Variants in MAML2 observed in about 807,000 individuals in gnomAD.
MAML2 encodes the protein mastermind like transcriptional coactivator 2.
In MAML2, 22 loss-of-function variants were observed where a neutral mutation model predicts 96.1. That is an observed-to-expected ratio of 0.23 (90% CI 0.16 to 0.33). MAML2 has a LOEUF of 0.33. MAML2 is among the 10% of genes least tolerant of loss of function. The pLI is 1.00. For missense variants in MAML2, 1,367 were observed against 1,392.4 expected, an observed-to-expected ratio of 0.98 and a Z score of 0.29; for synonymous variants, 561 against 521.3, an observed-to-expected ratio of 1.08 and a Z score of -1.04.
In MAML2 at chr11:95,991,644, C is replaced by G. The variant is rs371373178; in HGVS notation, c.2219G>C (p.Gly740Ala). ...CAGTGATTGCTGGGAGTTCATGTAA[C>G]CACTTCCAGTGTTTGGATTTGAGCA... The part of the protein sequence containing the change: ...NPCSNPNTGS[G>A]YMNSQQSLLN... The change falls in exon 3 of 5, where the codon GGT (glycine) becomes GCT (alanine). Residue 740 changes from glycine to alanine, a missense_variant. By Grantham distance (60) the Gly-to-Ala change is moderately conservative. Coordinates refer to ENST00000524717, the MANE Select transcript of MAML2 (RefSeq NM_032427.4). The G allele has an allele frequency of 2.6e-5, 42 of 1,613,602 alleles. No individual in the cohort carries two copies. The highest frequency in any genetic ancestry group is 1.6e-4 in the Middle Eastern group (1 of 6,080).
At chr11:96,149,986 T>C (rs1764206771) in intron 1 of MAML2, among the ~76,000 whole-genome samples, 1 of 152,234 alleles carries the variant, frequency 6.6e-6, no homozygotes, top group African/African-American at 2.4e-5. Context: ...TGGCCAGTAC[T>C]AAATTGTCTT....
intron 1 of MAML2, among the ~76,000 whole-genome samples, chr11:96,160,691 G>T (rs1336726869): frequency 1.3e-5 from 2 of 152,156 alleles, no homozygotes; most frequent in Admixed American, 1.3e-4. Flanking sequence ...GCTTCCCAAA[G>T]TGCTGGAATT....
chr11:96,151,071 A>G (rs974948135), intron 1 of MAML2, among the ~76,000 whole-genome samples: 2 of 152,228 alleles, frequency 1.3e-5, no homozygotes, highest in African/African-American at 4.8e-5. Context: ...ATCATTGCTG[A>G]AACACAAAAC....
chr11:96,116,448 C>G (rs182105071), intron 1 of MAML2, among the ~76,000 whole-genome samples: 1 of 152,146 alleles, frequency 6.6e-6, no homozygotes, highest in Non-Finnish European at 1.5e-5. Flanking sequence ...TGCAGTGGGA[C>G]GCAAACAGAG....
intron 1 of MAML2, among the ~76,000 whole-genome samples, chr11:96,094,350 C>T (rs1404163027): frequency 6.6e-6 from 1 of 152,198 alleles, no homozygotes; most frequent in African/African-American, 2.4e-5. Context: ...CAGCAACTTA[C>T]CTGAGCCTCA....
intron 1 of MAML2, among the ~76,000 whole-genome samples, chr11:96,190,906 C>A (rs1591064371): frequency 6.6e-6 from 1 of 152,116 alleles, no homozygotes; most frequent in East Asian, 1.9e-4. Context: ...ACTAGTCAAT[C>A]AATGTAGCTG....
At chr11:96,162,711 CAAAAAAAG>C (rs1193016770) in intron 1 of MAML2, among the ~76,000 whole-genome samples, 1 of 83,506 alleles carries the variant, frequency 1.2e-5, no homozygotes, top group African/African-American at 4.9e-5. Context: ...AACTCCGTCT[CAAAAAAAG>C]AAAAAAAAAA....
chr11:96,062,642 A>C (rs923490172), intron 2 of MAML2, among the ~76,000 whole-genome samples: 1 of 152,110 alleles, frequency 6.6e-6, no homozygotes, highest in Non-Finnish European at 1.5e-5. Flanking sequence ...TGCTAATTTT[A>C]CCTCTTAGAC....
intron 2 of MAML2, among the ~76,000 whole-genome samples, chr11:96,076,035 T>G (rs1177861232): frequency 6.6e-6 from 1 of 152,208 alleles, no homozygotes. Flanking sequence ...ATAAATTTGT[T>G]AATACATTCT....
rs71745057 is a variant in MAML2, at chr11:96,295,681, A to AACAC, written c.513+45698_513+45701dup. On this transcript the variant is annotated intron_variant, in intron 1 of 4. Coordinates refer to ENST00000524717, the MANE Select transcript of MAML2 (RefSeq NM_032427.4). ...CAAATTACTACTGCTCTGCTGCTGT[A>AACAC]ACACACACACACACACACACACACA... Among the ~76,000 whole-genome samples, 112 of 147,220 alleles carry AACAC rather than the reference A, an allele frequency of 7.6e-4. 1 individual carries two copies. In the South Asian group the frequency reaches 0.01, roughly 13 times the overall value.
intron 1 of MAML2, among the ~76,000 whole-genome samples, chr11:96,123,871 T>G (rs1206949142): frequency 6.6e-6 from 1 of 151,792 alleles, no homozygotes; most frequent in Non-Finnish European, 1.5e-5. Flanking sequence ...GTCAGGAGTT[T>G]GAGACTAGCC....
chr11:96,022,156 T>C (rs927328574), intron 2 of MAML2, among the ~76,000 whole-genome samples: 2 of 152,194 alleles, frequency 1.3e-5, no homozygotes, highest in Non-Finnish European at 2.9e-5. Flanking sequence ...CATTCACAGG[T>C]CAGGGCACCC....
rs74416072 is a variant in MAML2, at chr11:96,060,148, G to A, written c.2139+31744C>T. 6.8e-3 allele frequency among the ~76,000 whole-genome samples: 1,041 copies of A among 152,300 alleles called. 6 individuals are homozygous for A. Among genetic ancestry groups the A allele is most frequent in the Non-Finnish European group, 0.013 (858 of 68,014 alleles). ...GGTAGAAGCTGTTATGGTAAAGTGA[G>A]GCAAGAACTTTATGTGTTCAAGTTG... On this transcript the variant is annotated intron_variant, in intron 2 of 4. Coordinates refer to ENST00000524717, the MANE Select transcript of MAML2 (RefSeq NM_032427.4).
At chr11:96,059,891 C>G (rs1859127965) in intron 2 of MAML2, among the ~76,000 whole-genome samples, 1 of 152,174 alleles carries the variant, frequency 6.6e-6, no homozygotes, top group African/African-American at 2.4e-5. Context: ...GAGCATCTGA[C>G]AGCCCCAAGG....
At chr11:96,137,606 A>G (rs149266815) in intron 1 of MAML2, among the ~76,000 whole-genome samples, 304 of 152,330 alleles carry the variant, frequency 2.0e-3, no homozygotes, top group African/African-American at 7.0e-3. Context: ...AAGAATAACA[A>G]GTATGGTATT....
chr11:96,175,003 C>A (rs987269041), intron 1 of MAML2, among the ~76,000 whole-genome samples: 3 of 152,152 alleles, frequency 2.0e-5, no homozygotes, highest in Non-Finnish European at 4.4e-5. Flanking sequence ...AAACATGGTG[C>A]GAAGCAGCTC....
chr11:96,173,540 G>T (rs909140973), intron 1 of MAML2, among the ~76,000 whole-genome samples: 1 of 151,216 alleles, frequency 6.6e-6, no homozygotes. Context: ...AGCTGAGACT[G>T]AGCTTTATGG....
intron 1 of MAML2, among the ~76,000 whole-genome samples, chr11:96,112,746 C>G (rs1860150893): frequency 6.6e-6 from 1 of 152,172 alleles, no homozygotes; most frequent in Non-Finnish European, 1.5e-5. Context: ...CTTCCATAAG[C>G]CTATTAATTT....
At chr11:96,021,972 A>G (rs549488338) in intron 2 of MAML2, among the ~76,000 whole-genome samples, 20 of 152,196 alleles carry the variant, frequency 1.3e-4, no homozygotes, top group Non-Finnish European at 2.8e-4. Context: ...CTTGAAACAG[A>G]GTTCCTACCT....
Sources: gnomAD v4.1 joint callset for allele counts (sites outside exome capture counted in the v4.1 genomes callset) on GRCh38, gnomAD v4.1.1 for gene constraint, MANE v1.5 for transcripts, NCBI Gene and HGNC (gene_info 2026-07-23, HGNC 2026-07-21) for gene names.